The following DDX17 variants were observed in gnomAD, a reference collection of about 807,000 sequenced individuals.
DDX17 encodes probable ATP-dependent RNA helicase DDX17.
A neutral mutation model predicts 80.8 loss-of-function variants in DDX17; 10 were observed. The ratio of observed to expected loss-of-function variants is 0.12; its 90% CI spans 0.08 to 0.21. DDX17 has a LOEUF of 0.21. Ranked by LOEUF, DDX17 falls within the 10% of genes least tolerant of loss-of-function variation. DDX17 has a pLI of 1.00. For missense variants in DDX17, 586 were observed against 957.4 expected (o/e 0.61, Z 5.12); for synonymous variants, 339 against 336.2 (o/e 1.01, Z -0.09).
At chr22:38,487,749 A>G in intron 12 of DDX17, 130 bp downstream of exon 12, 1 of 876,142 alleles carries the variant, frequency 1.1e-6, no homozygotes, top group Admixed American at 2.1e-5. Context: ...TATAAAAAGC[A>G]TTAGGCAGTG....
intron 12 of DDX17, among the ~76,000 whole-genome samples, chr22:38,487,655 G>A (rs2089673650): frequency 6.6e-6 from 1 of 151,984 alleles, no homozygotes; most frequent in African/African-American, 2.4e-5. Context: ...CCTCAGACCA[G>A]TCTCTAAGAA....
intron 1 of DDX17, among the ~76,000 whole-genome samples, chr22:38,504,227 C>A (rs1175292811): frequency 1.1e-4 from 16 of 152,202 alleles, no homozygotes; most frequent in Admixed American, 9.8e-4. Flanking sequence ...CCTACCACAA[C>A]GTGCTTTTTA....
At chr22:38,491,487 G>C (rs2089713155) in intron 11 of DDX17, 1 of 152,072 alleles carries the variant, frequency 6.6e-6, no homozygotes, top group African/African-American at 2.4e-5. Flanking sequence ...TAAGTGCATG[G>C]GTAGGAGGGG....
chr22:38,487,663 G>GA (rs376495021), intron 12 of DDX17, among the ~76,000 whole-genome samples: 167 of 151,442 alleles, frequency 1.1e-3, no homozygotes, highest in Non-Finnish European at 1.7e-3. Flanking sequence ...CAGTCTCTAA[G>GA]AAAAAAAAAT....
In DDX17 at chr22:38,485,900, T is replaced by G. The variant is rs373115320; in HGVS notation, c.*35A>C. 9.3e-5 allele frequency: 149 copies of G among 1,602,248 alleles called. No homozygotes were observed. The highest frequency in any genetic ancestry group is 1.2e-4 in the Non-Finnish European group (141 of 1,174,702). The stretch of plus-strand genomic sequence containing the variant: ...AAAGACAGTGTTCCTTAAAATGTAA[T>G]TAAGTCTGCTGGAGTCACTACCACT... On this transcript the variant is annotated 3_prime_UTR_variant, in exon 13 of 13. Transcript: ENST00000403230.
intron 12 of DDX17, among the ~76,000 whole-genome samples, chr22:38,487,193 T>C (rs2089668881): frequency 6.6e-6 from 1 of 152,000 alleles, no homozygotes. Flanking sequence ...AGCAACCACA[T>C]TAAAACTCAG....
intron 6 of DDX17, among the ~76,000 whole-genome samples, chr22:38,495,302 G>C (rs376599146): frequency 6.9e-6 from 1 of 144,654 alleles, no homozygotes; most frequent in African/African-American, 2.6e-5. Context: ...CTGGAATGCA[G>C]TGGCACGATC....
chr22:38,496,265 T>C (rs143347980), intron 5 of DDX17, among the ~76,000 whole-genome samples: 184 of 152,324 alleles, frequency 1.2e-3, no homozygotes, highest in African/African-American at 3.9e-3. Flanking sequence ...AACTCTCATT[T>C]ACAGGTTGAG....
intron 1 of DDX17, among the ~76,000 whole-genome samples, chr22:38,504,424 C>G (rs550351492): frequency 6.6e-6 from 1 of 152,158 alleles, no homozygotes. Flanking sequence ...AAGGATTTCT[C>G]TAGGCATTAC....
In DDX17 at chr22:38,486,332, T is replaced by C. The variant is rs1406406958; in HGVS notation, c.1793A>G (p.Asp598Gly). The C allele has an allele frequency of 1.2e-6, 2 of 1,614,020 alleles. No individual in the cohort carries two copies. Among genetic ancestry groups the C allele is most frequent in the Non-Finnish European group, 1.7e-6 (2 of 1,180,024 alleles). ...ACTACGATCCCGATAGCTTGCAGAG[T>C]CTCTCCGGCCACCATCCTTGACTCC... Residue 598 changes from aspartate (D) to glycine (G), a missense_variant, in exon 13 of 13, where the codon GAC (aspartate) becomes GGC (glycine). Around this residue, in one of 4 missense-constraint regions of DDX17, gnomAD observed 221 missense variants for 261.4 expected, o/e 0.85. Transcript: ENST00000403230.
intron 5 of DDX17, among the ~76,000 whole-genome samples, chr22:38,496,934 T>C (rs1256200123): frequency 6.6e-6 from 1 of 152,224 alleles, no homozygotes; most frequent in Non-Finnish European, 1.5e-5. Context: ...GCATTATTTC[T>C]TTTTGTGAAT....
chr22:38,504,198 C>T lies in DDX17; in HGVS notation c.287+1753G>A, dbSNP rs115717082. ...CCTTTCCTATCATATTTGCACATAT[C>T]CTTAATTAAATGTGTCACCCTACCA... is the stretch of plus-strand genomic sequence containing the variant. On this transcript the variant is annotated intron_variant, in intron 1 of 12. Transcript: ENST00000403230. 8.0e-3 allele frequency among the ~76,000 whole-genome samples: 1,214 copies of T among 152,296 alleles called. 15 individuals carry two copies. The highest frequency in any genetic ancestry group is 0.027 in the African/African-American group (1,130 of 41,544).
intron 10 of DDX17, among the ~76,000 whole-genome samples, chr22:38,492,620 G>A (rs1226292169): frequency 6.6e-6 from 1 of 152,132 alleles, no homozygotes; most frequent in Non-Finnish European, 1.5e-5. Context: ...CCAAATAGCT[G>A]GGATTACAGG....
chr22:38,492,039 C>T lies in DDX17; in HGVS notation c.1447+17G>A. ...AAGATACATATACCATTGACAGAGA[C>T]ACCTATCTATACAAACCTAGCCCAC... On this transcript the variant is annotated intron_variant, in intron 11 of 12. Transcript: ENST00000403230. 2 of 1,583,502 alleles carry T rather than the reference C, an allele frequency of 1.3e-6. No homozygotes were observed. The highest frequency in any genetic ancestry group is 1.7e-6 in the Non-Finnish European group (2 of 1,160,868).
intron 9 of DDX17, 28 bp from the exon 10 acceptor site, chr22:38,493,799 TA>T: frequency 1.9e-6 from 3 of 1,602,978 alleles, no homozygotes; most frequent in Non-Finnish European, 1.7e-6. Flanking sequence ...ACCAATATTT[TA>T]AAAATCTTTT....
In DDX17 at chr22:38,494,818, AG is replaced by A. The variant is rs2089744737; in HGVS notation, c.1042-17del. 9 of 1,614,084 alleles carry A rather than the reference AG, an allele frequency of 5.6e-6. No individual in the cohort carries two copies. Among genetic ancestry groups the A allele is most frequent in the Non-Finnish European group, 7.6e-6 (9 of 1,179,956 alleles). ...GCCTATCAGGCTATCAAAAAAGGAAAGGCTTTCTTTCAGGCTAAGGAACTTG... is the reference window on the plus strand; with the variant it reads ...GCCTATCAGGCTATCAAAAAAGGAAAGCTTTCTTTCAGGCTAAGGAACTTG... On this transcript the variant is annotated splice_polypyrimidine_tract_variant and intron_variant, in intron 7 of 12. Coordinates refer to ENST00000403230, the MANE Select transcript of DDX17 (RefSeq NM_006386.5).
intron 10 of DDX17, among the ~76,000 whole-genome samples, chr22:38,492,340 T>C (rs1468445450): frequency 2.0e-5 from 3 of 152,206 alleles, no homozygotes; most frequent in African/African-American, 7.2e-5. Context: ...ATTTGTTACA[T>C]AATTAATATG....
At chr22:38,498,604 T>C (rs749348573) in intron 3 of DDX17, 31 bp from the exon 4 acceptor site, 2 of 1,611,818 alleles carry the variant, frequency 1.2e-6, no homozygotes, top group South Asian at 1.1e-5. Flanking sequence ...GCGTATTTTA[T>C]TGTGTTTAAA....
At chr22:38,499,322 A>C in intron 3 of DDX17, 78 bp downstream of exon 3, 1 of 1,118,136 alleles carries the variant, frequency 8.9e-7, no homozygotes, top group Non-Finnish European at 1.4e-6. Flanking sequence ...AGCCTGGCTC[A>C]AAGAGTTTAA....
Sources: gnomAD v4.1 joint callset for allele counts (sites outside exome capture counted in the v4.1 genomes callset) on GRCh38, gnomAD v4.1.1 for gene constraint, gnomAD v4.1.1 regional missense constraint, MANE v1.5 for transcripts, NCBI Gene and HGNC (gene_info 2026-07-23, HGNC 2026-07-21) for gene names.